Variants in PELI1 observed in about 807,000 individuals in gnomAD.
PELI1 encodes E3 ubiquitin-protein ligase pellino homolog 1.
PELI1 carries 15 observed loss-of-function variants against 41.3 expected under a neutral mutation model. The observed-to-expected ratio is 0.36, with a 90% CI of 0.24 to 0.56. PELI1 has a LOEUF of 0.56. PELI1 is among the 20% of genes least tolerant of loss of function. The probability of loss-of-function intolerance (pLI) is 0.82; values close to 1 mark genes in which losing one functional copy is unlikely to be tolerated. For missense variants in PELI1, 403 were observed against 525.5 expected, an observed-to-expected ratio of 0.77 and a Z score of 2.28; for synonymous variants, 178 against 180.1, an observed-to-expected ratio of 0.99 and a Z score of 0.09.
chr2:64,133,329 A>C (rs1380951607), intron 1 of PELI1, among the ~76,000 whole-genome samples: 1 of 152,180 alleles, frequency 6.6e-6, no homozygotes, highest in Non-Finnish European at 1.5e-5. Flanking sequence ...CAATGTGAAG[A>C]GACAGTATAG....
chr2:64,120,784 C>CT lies in PELI1; in HGVS notation c.-69-12406dup, dbSNP rs869055258. 3.3e-5 allele frequency among the ~76,000 whole-genome samples: 5 copies of CT among 152,126 alleles called. No homozygotes were observed. In the East Asian group the frequency reaches 7.7e-4, roughly 23 times the overall value. On this transcript the variant is annotated intron_variant, in intron 1 of 6. Coordinates refer to ENST00000358912, the MANE Select transcript of PELI1 (RefSeq NM_020651.4). ...GTCCCACCTATAAATACATTGTTAT[C>CT]TTTTTTTAAAAAAGTAGTATAAAAA...
chr2:64,101,342 CA>C (rs1680425059), intron 3 of PELI1, among the ~76,000 whole-genome samples: 1 of 147,954 alleles, frequency 6.8e-6, no homozygotes, highest in African/African-American at 2.5e-5. Flanking sequence ...AAAAAAAAAA[CA>C]AAAGAAACAT....
At chr2:64,120,436 T>C (rs979330888) in intron 1 of PELI1, among the ~76,000 whole-genome samples, 10 of 152,274 alleles carry the variant, frequency 6.6e-5, no homozygotes, top group South Asian at 4.1e-4. Context: ...ATGCTGTTCA[T>C]ACTTGTTCAA....
At chr2:64,096,089 T>C (rs769549581) in intron 6 of PELI1, 36 bp downstream of exon 6, 17 of 1,436,956 alleles carry the variant, frequency 1.2e-5, no homozygotes, top group African/African-American at 7.0e-5. Context: ...TATGTGTTTA[T>C]TGTAGCTAAT....
chr2:64,096,526 C>T lies in PELI1; in HGVS notation c.388G>A (p.Val130Ile), dbSNP rs200658046. The T allele has an allele frequency of 1.2e-4, 198 of 1,610,146 alleles. No individual in the cohort carries two copies. The highest frequency in any genetic ancestry group is 1.5e-4 in the Non-Finnish European group (171 of 1,176,580). Residue 130 changes from valine to isoleucine, a missense_variant, in exon 5 of 7, where the codon GTA becomes ATA. Val to Ile is a conservative substitution (Grantham distance 29, BLOSUM62 3). Coordinates refer to ENST00000358912, the MANE Select transcript of PELI1 (RefSeq NM_020651.4). ...GCAAATCTTGATATAGTGCTTTGTA[C>T]TGACTGTGTATCAGAATTACTTTGA... ...GSQSNSDTQS[V>I]QSTISRFACR... is the part of the protein sequence containing the mutation.
intron 3 of PELI1, 200 bp downstream of exon 3, chr2:64,104,501 C>T (rs1680552776): frequency 8.1e-6 from 6 of 738,776 alleles, no homozygotes; most frequent in Non-Finnish European, 1.1e-5. Context: ...CCTGGTTTGT[C>T]ATTTTTTTTT....
At chr2:64,115,744 A>G (rs1329470221) in intron 1 of PELI1, among the ~76,000 whole-genome samples, 1 of 152,236 alleles carries the variant, frequency 6.6e-6, no homozygotes, top group African/African-American at 2.4e-5. Context: ...CACCCTAGAC[A>G]AGGTAGAATG....
chr2:64,119,675 AG>A (rs1160685884), intron 1 of PELI1, among the ~76,000 whole-genome samples: 7 of 152,236 alleles, frequency 4.6e-5, no homozygotes, highest in Non-Finnish European at 8.8e-5. Context: ...CAGAAGTAAG[AG>A]GAAGCACAGA....
intron 1 of PELI1, among the ~76,000 whole-genome samples, chr2:64,139,960 TC>T (rs1270198020): frequency 2.6e-5 from 4 of 152,222 alleles, no homozygotes. Context: ...AAAACAGATT[TC>T]ATTGCACCTT....
At chr2:64,107,997 A>G (rs931149315) in intron 2 of PELI1, among the ~76,000 whole-genome samples, 2 of 152,190 alleles carry the variant, frequency 1.3e-5, no homozygotes, top group Non-Finnish European at 2.9e-5. Context: ...CATCTTTGAG[A>G]AACTCTGCCC....
chr2:64,111,274 A>C (rs1680799617), intron 1 of PELI1, among the ~76,000 whole-genome samples: 1 of 152,132 alleles, frequency 6.6e-6, no homozygotes, highest in Non-Finnish European at 1.5e-5. Context: ...GTGAGAAGGC[A>C]ACAGGGAATG....
At position 64,096,058 on chromosome 2, in the gene PELI1, T is replaced by C; in HGVS notation, c.690+67A>G. 3.8e-6 allele frequency: 4 copies of C among 1,055,524 alleles called. No individual in the cohort carries two copies. The South Asian group carries it at 4.3e-5, about 11-fold the overall frequency. 65.4% of individuals were successfully genotyped at this position (1,055,524 alleles called of 1,614,324 possible). A position where few individuals can be genotyped will look rare whatever the true frequency, so the allele number is the denominator to read the frequency against. ...TAAGAGTTTTCTGGAATGTATGTAA[T>C]GCATTCAGTTCTACTCATCCTATGT... On this transcript the variant is annotated intron_variant, in intron 6 of 6. Coordinates refer to ENST00000358912, the MANE Select transcript of PELI1 (RefSeq NM_020651.4).
intron 1 of PELI1, among the ~76,000 whole-genome samples, chr2:64,122,498 C>T (rs941289239): frequency 4.6e-5 from 7 of 151,952 alleles, no homozygotes; most frequent in South Asian, 2.1e-4. Context: ...CCTCTGAGAA[C>T]GTCCTGCTTC....
At chr2:64,106,324 T>TCTGCATTTTAAGACACCAAGTACCAG (rs1258208549) in intron 2 of PELI1, 1 of 152,214 alleles carries the variant, frequency 6.6e-6, no homozygotes, top group Non-Finnish European at 1.5e-5. Context: ...AGAAAAATTA[T>TCTGCATTTTAAGACACCAAGTACCAG]CTGCATTTTA....
intron 1 of PELI1, among the ~76,000 whole-genome samples, chr2:64,118,998 C>T (rs757747895): frequency 7.3e-5 from 7 of 95,244 alleles, no homozygotes; most frequent in African/African-American, 3.0e-4. Flanking sequence ...TTTTAAAGCC[C>T]TAAGTACTGT....
rs1207489714 is a variant in PELI1 at position 64,127,321 on chromosome 2, T to C, written c.-70+16760A>G. On this transcript the variant is annotated intron_variant, in intron 1 of 6. Transcript: ENST00000358912. ...TGGGAGGCCCAGGCAGGAGGACTGC[T>C]TGAGCACAGGAGTTTGAGGCCAGCC... is the stretch of plus-strand genomic sequence containing the variant. 2.0e-5 allele frequency among the ~76,000 whole-genome samples: 3 copies of C among 152,220 alleles called. No individual in the cohort carries two copies. In the East Asian group the frequency reaches 5.8e-4, roughly 29 times the overall value.
At position 64,096,203 on chromosome 2, in the gene PELI1, T is replaced by G. The variant is rs374621766; in HGVS notation, c.612A>C (p.Gly204=). Reference sequence around the variant, plus strand: ...CACACACCGATATTTCTCTCCATATTCCAGGCTTGGAGTCTTCTGTGAACC... The same window carrying G: ...CACACACCGATATTTCTCTCCATATGCCAGGCTTGGAGTCTTCTGTGAACC... ...RNGFTEDSKP[G]IWREISVCGN... is the part of the protein sequence containing the mutation. The change falls in exon 6 of 7, where the codon GGA becomes GGC. Residue 204 remains glycine, a synonymous_variant. Transcript: ENST00000358912. 6.3e-4 allele frequency: 1,015 copies of G among 1,614,042 alleles called. 16 individuals carry two copies. In the South Asian group the frequency reaches 9.0e-3, roughly 14 times the overall value.
At chr2:64,123,013 G>C (rs995527820) in intron 1 of PELI1, among the ~76,000 whole-genome samples, 2 of 152,088 alleles carry the variant, frequency 1.3e-5, no homozygotes, top group African/African-American at 2.4e-5. Flanking sequence ...AACTGATCTT[G>C]GGACTCCTAT....
chr2:64,111,302 A>G (rs952476564), intron 1 of PELI1, among the ~76,000 whole-genome samples: 2 of 152,180 alleles, frequency 1.3e-5, no homozygotes, highest in South Asian at 4.1e-4. Context: ...CCCAATGAAT[A>G]AGAACACGTC....
Sources: gnomAD v4.1 joint callset for allele counts (sites outside exome capture counted in the v4.1 genomes callset) on GRCh38, gnomAD v4.1.1 for gene constraint, MANE v1.5 for transcripts, NCBI Gene and HGNC (gene_info 2026-07-23, HGNC 2026-07-21) for gene names.